Variants in UFSP2 observed in about 807,000 individuals in gnomAD.
UFSP2 encodes ufm1-specific protease 2.
UFSP2 carries 43 observed loss-of-function variants against 60.2 expected under a neutral mutation model. That is an observed-to-expected ratio of 0.71 (90% confidence interval 0.56 to 0.92). The LOEUF (loss-of-function observed/expected upper bound fraction) is 0.92. Ranked by LOEUF, UFSP2 falls within the 40% of genes least tolerant of loss-of-function variation. The pLI, the probability that UFSP2 is intolerant of heterozygous loss-of-function variation, is 0.00. For synonymous variants in UFSP2, 183 were observed against 195.1 expected, an observed-to-expected ratio of 0.94 and a Z score of 0.52; for missense variants, 520 against 575.0, an observed-to-expected ratio of 0.90 and a Z score of 0.98.
At chr4:185,420,787 T>G (rs1425711549) in intron 2 of UFSP2, among the ~76,000 whole-genome samples, 1 of 152,214 alleles carries the variant, frequency 6.6e-6, no homozygotes, top group African/African-American at 2.4e-5. Context: ...AGAAGCCCTT[T>G]GTTGAGTGTT....
intron 9 of UFSP2, among the ~76,000 whole-genome samples, chr4:185,407,398 C>G (rs1425746755): frequency 1.3e-5 from 2 of 151,982 alleles, no homozygotes; most frequent in Non-Finnish European, 2.9e-5. Flanking sequence ...CAGGAGTCAG[C>G]TAGTTATGGT....
intron 2 of UFSP2, among the ~76,000 whole-genome samples, chr4:185,421,071 G>C (rs2095548562): frequency 6.6e-6 from 1 of 152,198 alleles, no homozygotes; most frequent in Non-Finnish European, 1.5e-5. Context: ...GAGTGATTTA[G>C]TCCTAGTAAA....
In UFSP2 at chr4:185,403,607, A is replaced by G; in HGVS notation, c.1210T>C (p.Leu404=). ...GTPVMIGGGV[L]AHTILGVAWN... The stretch of plus-strand genomic sequence containing the variant: ...GCAACTCCTAGTATTGTGTGGGCCA[A>G]AACTCCTCCCCCTATAGAAGAAAAA... Residue 404 remains leucine, a synonymous_variant, in exon 11 of 12, where the codon TTG becomes CTG. Transcript: ENST00000264689. 6 of 1,612,208 alleles carry G rather than the reference A, an allele frequency of 3.7e-6. No homozygotes were observed. The highest frequency in any genetic ancestry group is 5.1e-6 in the Non-Finnish European group (6 of 1,179,480).
intron 1 of UFSP2, among the ~76,000 whole-genome samples, chr4:185,425,133 A>C (rs958932062): frequency 2.0e-5 from 3 of 152,202 alleles, no homozygotes; most frequent in Admixed American, 6.5e-5. Flanking sequence ...ATAGGACTTG[A>C]TTATTGACTG....
intron 7 of UFSP2, among the ~76,000 whole-genome samples, chr4:185,411,791 A>G (rs2153284028): frequency 6.6e-6 from 1 of 152,342 alleles, no homozygotes; most frequent in Admixed American, 6.5e-5. Context: ...AATCATAAAG[A>G]TAATTAACTA....
chr4:185,413,929 G>C (rs1278853590), intron 6 of UFSP2, 57 bp from the exon 7 acceptor site: 5 of 1,448,244 alleles, frequency 3.5e-6, no homozygotes, highest in Non-Finnish European at 4.6e-6. Flanking sequence ...TAGATTCCTA[G>C]TCAATAAATA....
At position 185,400,281 on chromosome 4, in the gene UFSP2, C is replaced by T. The variant is rs1384110380; in HGVS notation, c.*111G>A. On this transcript the variant is annotated 3_prime_UTR_variant, in exon 12 of 12. Transcript: ENST00000264689. ...AGTATTTACAACCTTTGAAAAAGGT[C>T]ATAATTTAAATCGTCAAACTAGAAC... 9.7e-6 allele frequency: 9 copies of T among 924,036 alleles called. No homozygotes were observed. The highest frequency in any genetic ancestry group is 1.7e-5 in the African/African-American group (1 of 59,948). 57.2% of individuals were successfully genotyped at this position (924,036 alleles called of 1,614,324 possible). A position where few individuals can be genotyped will look rare whatever the true frequency, so the allele number is the denominator to read the frequency against.
intron 2 of UFSP2, among the ~76,000 whole-genome samples, 161 bp downstream of exon 2, chr4:185,422,324 T>G (rs1018357807): frequency 9.9e-5 from 15 of 152,258 alleles, no homozygotes; most frequent in Non-Finnish European, 2.1e-4. Flanking sequence ...GTGGGTGTGC[T>G]GGAACACAGT....
chr4:185,406,472 G>A (rs1450059342), intron 9 of UFSP2, among the ~76,000 whole-genome samples: 1 of 152,094 alleles, frequency 6.6e-6, no homozygotes, highest in African/African-American at 2.4e-5. Flanking sequence ...GGTGCCCGGT[G>A]GTGCTAAACC....
At chr4:185,405,259 A>AG (rs1277707177) in intron 10 of UFSP2, among the ~76,000 whole-genome samples, 8 of 151,834 alleles carry the variant, frequency 5.3e-5, no homozygotes, top group Non-Finnish European at 1.2e-4. Context: ...CAGCCTCCCG[A>AG]AGTGCTAGGA....
chr4:185,411,058 G>C (rs2095528434), intron 7 of UFSP2, among the ~76,000 whole-genome samples: 1 of 147,142 alleles, frequency 6.8e-6, no homozygotes, highest in African/African-American at 2.5e-5. Context: ...AGAAAGTAAA[G>C]AGCAAAAATT....
In UFSP2 at chr4:185,405,846, C is replaced by CTGAACCT; in HGVS notation, c.1125_1131dup (p.Glu378ArgfsTer13). ...AGTTCCCGTCCTTGAGAGGCAATTT[C>CTGAACCT]TGAACCTTGGCTAGAAAGAAACCAT... On this transcript the variant is annotated frameshift_variant, in exon 10 of 12. Coordinates refer to ENST00000264689, the MANE Select transcript of UFSP2 (RefSeq NM_018359.5). LOFTEE classifies it high-confidence loss of function. The CTGAACCT allele has an allele frequency of 1.9e-6, 3 of 1,614,094 alleles. No individual in the cohort carries two copies. The highest frequency in any genetic ancestry group is 1.3e-5 in the African/African-American group (1 of 75,050).
At chr4:185,408,619 G>A (rs934865371) in intron 7 of UFSP2, among the ~76,000 whole-genome samples, 184 bp from the exon 8 acceptor site, 1 of 152,156 alleles carries the variant, frequency 6.6e-6, no homozygotes, top group African/African-American at 2.4e-5. Flanking sequence ...GAGGTTCAAA[G>A]TCCTTACCAC....
At chr4:185,421,115 C>G (rs1258670512) in intron 2 of UFSP2, among the ~76,000 whole-genome samples, 1 of 152,052 alleles carries the variant, frequency 6.6e-6, no homozygotes, top group East Asian at 1.9e-4. Flanking sequence ...TTAGAATTAC[C>G]TAGAAAGCTG....
intron 2 of UFSP2, among the ~76,000 whole-genome samples, chr4:185,422,245 G>T (rs2095550744): frequency 6.6e-6 from 1 of 152,234 alleles, no homozygotes; most frequent in Non-Finnish European, 1.5e-5. Context: ...AATTAATGAA[G>T]AGGGGAGTAA....
chr4:185,423,561 G>A (rs1333471503), intron 1 of UFSP2, among the ~76,000 whole-genome samples: 4 of 89,470 alleles, frequency 4.5e-5, no homozygotes, highest in Non-Finnish European at 1.2e-4. Flanking sequence ...CAATAGATTG[G>A]TTAAAAAAAA....
chr4:185,417,353 T>A (rs1479416879), intron 4 of UFSP2, among the ~76,000 whole-genome samples: 1 of 152,208 alleles, frequency 6.6e-6, no homozygotes, highest in African/African-American at 2.4e-5. Context: ...GCATTCTACA[T>A]CTGTAAATCT....
intron 2 of UFSP2, among the ~76,000 whole-genome samples, chr4:185,419,659 A>G (rs1393576347): frequency 6.6e-6 from 1 of 152,242 alleles, no homozygotes; most frequent in African/African-American, 2.4e-5. Flanking sequence ...GACATTTCAC[A>G]TAAGTGGAAT....
intron 9 of UFSP2, 80 bp downstream of exon 9, chr4:185,407,856 A>G (rs1173497549): frequency 7.0e-7 from 1 of 1,418,822 alleles, no homozygotes; most frequent in Non-Finnish European, 9.5e-7. Context: ...AAGGGAAGAT[A>G]CCATTTTTTC....
Sources: allele counts gnomAD v4.1 joint callset (sites outside exome capture counted in the v4.1 genomes callset), GRCh38; gene constraint gnomAD v4.1.1; transcripts MANE v1.5; gene names NCBI Gene and HGNC (gene_info 2026-07-23, HGNC 2026-07-21).